Variants in ERN1 observed in about 807,000 individuals in gnomAD.
The protein encoded by ERN1 is endoplasmic reticulum to nucleus signaling 1, also known as serine/threonine-protein kinase/endoribonuclease IRE1.
ERN1 carries 39 observed loss-of-function variants against 113.1 expected under a neutral mutation model. The ratio of observed to expected loss-of-function variants is 0.34; its 90% CI spans 0.27 to 0.45. ERN1 has a LOEUF of 0.45. Ranked by LOEUF, ERN1 falls within the 20% of genes least tolerant of loss-of-function variation. The pLI, the probability that ERN1 is intolerant of heterozygous loss-of-function variation, is 1.00. For missense variants in ERN1, 976 were observed against 1,274.8 expected, an observed-to-expected ratio of 0.77 and a Z score of 3.57; for synonymous variants, 507 against 515.9, an observed-to-expected ratio of 0.98 and a Z score of 0.23.
intron 5 of ERN1, 113 bp downstream of exon 5, chr17:64,075,062 G>T: frequency 2.3e-6 from 2 of 888,530 alleles, no homozygotes; most frequent in South Asian, 1.5e-5. Context: ...CACAACCCAG[G>T]AAAGAAAGGG....
chr17:64,073,057 G>GT (rs1248623325), intron 5 of ERN1, among the ~76,000 whole-genome samples: 1 of 149,910 alleles, frequency 6.7e-6, no homozygotes, highest in Non-Finnish European at 1.5e-5. Context: ...CCAAGGAGGA[G>GT]TACAGAGGTG....
Position 64,060,607 on chromosome 17 carries a change from C to A in ERN1, c.1088-20G>T. ...GGTGTCCTATGACAGGAAACAAAACCTTTAGTGAGAACAATTTCCCGAGCT... is the reference window on the plus strand; with the variant it reads ...GGTGTCCTATGACAGGAAACAAAACATTTAGTGAGAACAATTTCCCGAGCT... On this transcript the variant is annotated intron_variant, in intron 10 of 21. Transcript: ENST00000433197. 6 of 1,564,004 alleles carry A rather than the reference C, an allele frequency of 3.8e-6. No individual in the cohort carries two copies. The highest frequency in any genetic ancestry group is 5.3e-6 in the Non-Finnish European group (6 of 1,134,452).
intron 1 of ERN1, among the ~76,000 whole-genome samples, chr17:64,120,471 C>CA (rs60554859): frequency 0.031 from 4,640 of 152,054 alleles, 250 homozygotes; most frequent in African/African-American, 0.11. Context: ...CTTCATCTGA[C>CA]AGAGAGGGGG....
intron 5 of ERN1, among the ~76,000 whole-genome samples, chr17:64,072,986 G>A (rs1385448466): frequency 2.0e-5 from 3 of 150,050 alleles, no homozygotes; most frequent in Non-Finnish European, 4.4e-5. Flanking sequence ...TGCTGGAGAA[G>A]GTCACAGAGC....
intron 1 of ERN1, among the ~76,000 whole-genome samples, chr17:64,107,410 C>A (rs1176360254): frequency 1.3e-5 from 2 of 152,162 alleles, no homozygotes; most frequent in Non-Finnish European, 2.9e-5. Flanking sequence ...CAGCCTCGAC[C>A]TCCTGGGCTC....
chr17:64,107,309 C>G (rs902999196), intron 1 of ERN1, among the ~76,000 whole-genome samples: 1 of 151,892 alleles, frequency 6.6e-6, no homozygotes, highest in Admixed American at 6.6e-5. Context: ...AAGACAGATA[C>G]AAAAAAAATT....
chr17:64,081,069 C>T (rs1407377385), intron 2 of ERN1, among the ~76,000 whole-genome samples: 2 of 152,218 alleles, frequency 1.3e-5, no homozygotes, highest in Non-Finnish European at 2.9e-5. Flanking sequence ...AACAGAACTG[C>T]TTTCAAGAAA....
At chr17:64,071,943 A>G in intron 6 of ERN1, 38 bp downstream of exon 6, 1 of 1,549,716 alleles carries the variant, frequency 6.5e-7, no homozygotes, top group Non-Finnish European at 8.7e-7. Context: ...ATCTTCTGGA[A>G]ACAGGCAGGT....
intron 13 of ERN1, 94 bp downstream of exon 13, chr17:64,055,581 A>G: frequency 8.4e-7 from 1 of 1,196,544 alleles, no homozygotes; most frequent in Non-Finnish European, 1.1e-6. Context: ...AACCCCTGAG[A>G]ATGGTAGTTT....
At chr17:64,126,174 T>C (rs1362483321) in intron 1 of ERN1, among the ~76,000 whole-genome samples, 1 of 152,202 alleles carries the variant, frequency 6.6e-6, no homozygotes, top group Admixed American at 6.5e-5. Flanking sequence ...AGCATCACGC[T>C]CTAATCATAT....
intron 1 of ERN1, among the ~76,000 whole-genome samples, chr17:64,100,450 G>A (rs530293177): frequency 1.3e-4 from 20 of 152,328 alleles, no homozygotes; most frequent in African/African-American, 3.6e-4. Flanking sequence ...GGCCACACAA[G>A]AAAGTGAGTT....
Position 64,068,253 on chromosome 17 carries a change from G to A in ERN1, c.517C>T (p.Leu173Phe), listed in dbSNP as rs1195183830. ...TCAAAGTAGGTGGCATTCCACCGGA[G>A]CTCTCGGGTTTTGGTGTCGTACATG... ...ITMYDTKTRE[L>F]RWNATYFDYA... The change falls in exon 7 of 22, where the codon CTC becomes TTC. Residue 173 changes from leucine (L) to phenylalanine (F), a missense_variant. Physicochemically the swap from Leu to Phe is conservative, Grantham distance 22. Around this residue, in one of 5 missense-constraint regions of ERN1, gnomAD observed 459 missense variants for 581.2 expected, o/e 0.79. Coordinates refer to ENST00000433197, the MANE Select transcript of ERN1 (RefSeq NM_001433.5). The A allele has an allele frequency of 6.2e-7, 1 of 1,612,996 alleles. No homozygotes were observed. Among genetic ancestry groups the A allele is most frequent in the Non-Finnish European group, 8.5e-7 (1 of 1,179,510 alleles).
At chr17:64,087,079 T>C (rs1306861922) in intron 2 of ERN1, among the ~76,000 whole-genome samples, 1 of 152,208 alleles carries the variant, frequency 6.6e-6, no homozygotes, top group African/African-American at 2.4e-5. Flanking sequence ...ATGGAATTTT[T>C]AGAATGTTGA....
At chr17:64,085,902 T>C (rs1913909205) in intron 2 of ERN1, among the ~76,000 whole-genome samples, 1 of 152,206 alleles carries the variant, frequency 6.6e-6, no homozygotes, top group African/African-American at 2.4e-5. Flanking sequence ...TCTCCACAAA[T>C]GACTCTGCCT....
Position 64,066,777 on chromosome 17 carries a change from C to T in ERN1, c.736G>A (p.Ala246Thr), listed in dbSNP as rs777074146. The change falls in exon 8 of 22, where the codon GCT (alanine) becomes ACT (threonine). Residue 246 changes from alanine (A) to threonine (T), a missense_variant. By Grantham distance (58) the Ala-to-Thr change is moderately conservative. Around this residue, in one of 5 missense-constraint regions of ERN1, gnomAD observed 459 missense variants for 581.2 expected, o/e 0.79. Transcript: ENST00000433197. ...GTCAGATAGCGCAGGGTCTCCACAG[C>T]GACATTGATGTGCATCACCTTCCTC... ...GLRKVMHINVAVETLRYLTFM... is the reference protein window; with the variant it reads ...GLRKVMHINVTVETLRYLTFM... 6.2e-6 allele frequency: 10 copies of T among 1,613,906 alleles called. No individual in the cohort carries two copies. The highest frequency in any genetic ancestry group is 8.5e-6 in the Non-Finnish European group (10 of 1,179,868).
rs1367452199 is a variant in ERN1, at chr17:64,053,254, T to C, written c.2053+18A>G. 6.3e-7 allele frequency: 1 copy of C among 1,577,636 alleles called. No homozygotes were observed. Among genetic ancestry groups the C allele is most frequent in the Non-Finnish European group, 8.6e-7 (1 of 1,162,278 alleles). The stretch of plus-strand genomic sequence containing the variant: ...CTCCCCACCCGGGCCGCTGGCCTGG[T>C]AAAGTGCAGCCTCTCACCGATGTTG... On this transcript the variant is annotated intron_variant, in intron 16 of 21. Coordinates refer to ENST00000433197, the MANE Select transcript of ERN1 (RefSeq NM_001433.5).
At chr17:64,127,776 A>AAGT (rs988595332) in intron 1 of ERN1, among the ~76,000 whole-genome samples, 19 of 146,028 alleles carry the variant, frequency 1.3e-4, no homozygotes, top group South Asian at 2.1e-4. Flanking sequence ...AAAAAAAAAG[A>AAGT]AGTAGTAGTA....
At chr17:64,061,812 T>C (rs1913063456) in intron 10 of ERN1, among the ~76,000 whole-genome samples, 4 of 152,202 alleles carry the variant, frequency 2.6e-5, no homozygotes, top group South Asian at 2.1e-4. Flanking sequence ...CTAAGAAAAG[T>C]GAGGTGTTCT....
In ERN1 at chr17:64,044,821, G is replaced by A; in HGVS notation, c.2721+39C>T. On this transcript the variant is annotated intron_variant, in intron 21 of 21. Coordinates refer to ENST00000433197, the MANE Select transcript of ERN1 (RefSeq NM_001433.5). The surrounding 1 kb of genome is among the most constrained non-coding windows in gnomAD (Gnocchi z 4.1). Reference sequence around the variant, plus strand: ...AAAGGAGGAAGGTGTCCATGTCATGGCCACTGGGTCTCCTCCCCAGCATTT... The same window carrying A: ...AAAGGAGGAAGGTGTCCATGTCATGACCACTGGGTCTCCTCCCCAGCATTT... 1 of 1,314,616 alleles carries A rather than the reference G, an allele frequency of 7.6e-7. No homozygotes were observed. The highest frequency in any genetic ancestry group is 1.5e-5 in the African/African-American group (1 of 68,686). The allele number at this position is 1,314,616 out of a possible 1,614,324, so 81.4% of individuals were successfully genotyped here.
Sources: allele counts gnomAD v4.1 joint callset (sites outside exome capture counted in the v4.1 genomes callset), GRCh38; gene constraint gnomAD v4.1.1; regional missense constraint gnomAD v4.1.1; non-coding constraint Gnocchi (gnomAD v3.1); transcripts MANE v1.5; gene names NCBI Gene and HGNC (gene_info 2026-07-23, HGNC 2026-07-21).